The following MYO1D variants were observed in gnomAD, a reference collection of about 807,000 sequenced individuals.
The protein encoded by MYO1D is myosin ID, also known as unconventional myosin-Id.
In MYO1D, 83 loss-of-function variants were observed where a neutral mutation model predicts 122.0. The observed-to-expected ratio is 0.68, with a 90% confidence interval of 0.57 to 0.82. The LOEUF is 0.82. Among genes scored for constraint, MYO1D ranks in the 40% least tolerant of loss-of-function variants. MYO1D has a pLI of 0.00. For missense variants in MYO1D, 1,157 were observed against 1,269.5 expected, an observed-to-expected ratio of 0.91 and a Z score of 1.35; for synonymous variants, 464 against 446.9, an observed-to-expected ratio of 1.04 and a Z score of -0.48.
At position 32,766,032 on chromosome 17, in the gene MYO1D, G is replaced by A. The variant is rs112055554; in HGVS notation, c.832-951C>T. Among the ~76,000 whole-genome samples the A allele has an allele frequency of 2.4e-3, 359 of 152,044 alleles. 2 individuals carry two copies. The highest frequency in any genetic ancestry group is 8.0e-3 in the African/African-American group (331 of 41,482). On this transcript the variant is annotated intron_variant, in intron 7 of 21. Coordinates refer to ENST00000318217, the MANE Select transcript of MYO1D (RefSeq NM_015194.3). ...TCTAAATAGCTGGGACTACAGATGCGTGCCACCATGCCTGGCTAATTTTTG... is the reference window on the plus strand; with the variant it reads ...TCTAAATAGCTGGGACTACAGATGCATGCCACCATGCCTGGCTAATTTTTG...
At chr17:32,506,545 C>T (rs1909508430) in intron 21 of MYO1D, among the ~76,000 whole-genome samples, 1 of 152,056 alleles carries the variant, frequency 6.6e-6, no homozygotes, top group Admixed American at 6.6e-5. Flanking sequence ...AGATAGAAGG[C>T]AGGAAAGGGG....
chr17:32,827,630 TTC>T (rs1186047119), intron 1 of MYO1D, among the ~76,000 whole-genome samples: 1 of 152,194 alleles, frequency 6.6e-6, no homozygotes, highest in Non-Finnish European at 1.5e-5. Flanking sequence ...TTGTATTTAT[TTC>T]TCTATTTTTA....
chr17:32,710,782 T>G (rs2089365882), intron 16 of MYO1D, among the ~76,000 whole-genome samples: 1 of 152,034 alleles, frequency 6.6e-6, no homozygotes, highest in East Asian at 1.9e-4. Flanking sequence ...AATAGACAGT[T>G]TACAGGAAAA....
At chr17:32,560,699 A>C (rs2087117261) in intron 21 of MYO1D, among the ~76,000 whole-genome samples, 1 of 150,326 alleles carries the variant, frequency 6.7e-6, no homozygotes, top group African/African-American at 2.4e-5. Context: ...AACTCTCTGC[A>C]ACCTCCGCCT....
chr17:32,575,751 C>T (rs923914611), intron 21 of MYO1D, among the ~76,000 whole-genome samples: 10 of 152,180 alleles, frequency 6.6e-5, no homozygotes, highest in African/African-American at 2.4e-4. Flanking sequence ...GAGATGACTG[C>T]TAGATTGATG....
intron 21 of MYO1D, among the ~76,000 whole-genome samples, chr17:32,583,267 T>C (rs1215949702): frequency 6.6e-6 from 1 of 152,204 alleles, no homozygotes; most frequent in Non-Finnish European, 1.5e-5. Flanking sequence ...TCCTTATTCC[T>C]CTGTATATAA....
chr17:32,749,771 C>T (rs1330418481), intron 11 of MYO1D, among the ~76,000 whole-genome samples: 1 of 152,130 alleles, frequency 6.6e-6, no homozygotes, highest in Non-Finnish European at 1.5e-5. Context: ...TATCTTCATG[C>T]AGTCCAGCCT....
At chr17:32,506,767 T>C (rs1181785129) in intron 21 of MYO1D, among the ~76,000 whole-genome samples, 2 of 152,234 alleles carry the variant, frequency 1.3e-5, no homozygotes, top group African/African-American at 4.8e-5. Context: ...GGGAATATGA[T>C]ACATAAATCA....
At chr17:32,786,409 A>T (rs1209524529) in intron 1 of MYO1D, among the ~76,000 whole-genome samples, 1 of 152,256 alleles carries the variant, frequency 6.6e-6, no homozygotes, top group Non-Finnish European at 1.5e-5. Flanking sequence ...CTTTCTAGTT[A>T]GGCAATCTTC....
At chr17:32,775,794 T>C (rs1802064506) in intron 4 of MYO1D, 70 bp downstream of exon 4, 2 of 1,290,526 alleles carry the variant, frequency 1.5e-6, no homozygotes, top group Non-Finnish European at 2.1e-6. Flanking sequence ...ATAAAATAAA[T>C]TCTATAAATA....
At chr17:32,760,248 A>C in intron 10 of MYO1D, 42 bp downstream of exon 10, 2 of 1,449,682 alleles carry the variant, frequency 1.4e-6, no homozygotes, top group South Asian at 1.2e-5. Flanking sequence ...TATCAATAAT[A>C]TGAGAAACAC....
Position 32,634,223 on chromosome 17 carries a change from G to A in MYO1D, c.2709+4499C>T, listed in dbSNP as rs369968442. On this transcript the variant is annotated intron_variant, in intron 20 of 21. Transcript: ENST00000318217. ...AAAATCGCCCATCTCCTGTCTACTC[G>A]AGGTCCCTTAAGTCTCTGTTCATTA... 4.6e-5 allele frequency among the ~76,000 whole-genome samples: 7 copies of A among 152,216 alleles called. No homozygotes were observed. The East Asian group carries it at 1.2e-3, about 25-fold the overall frequency.
In MYO1D at chr17:32,494,790, G is replaced by A. The variant is rs760738580; in HGVS notation, c.2990C>T (p.Ser997Leu). Residue 997 changes from serine (S) to leucine (L), a missense_variant, in exon 22 of 22, where the codon TCG (serine) becomes TTG (leucine). Coordinates refer to ENST00000318217, the MANE Select transcript of MYO1D (RefSeq NM_015194.3). ...QPQPDFTKNR[S>L]GFILSVPGN ...CCCGGGCACGCTGAGGATGAAGCCC[G>A]AGCGATTCTTGGTGAAGTCGGGCTG... 2 of 1,611,512 alleles carry A rather than the reference G, an allele frequency of 1.2e-6. No individual in the cohort carries two copies. The highest frequency in any genetic ancestry group is 1.1e-5 in the South Asian group (1 of 90,740).
chr17:32,641,886 G>T (rs1348198562), intron 19 of MYO1D, among the ~76,000 whole-genome samples: 2 of 152,124 alleles, frequency 1.3e-5, no homozygotes, highest in African/African-American at 4.8e-5. Flanking sequence ...TAGGTTGCCT[G>T]TTCACTCTGA....
chr17:32,572,058 C>T (rs1019927565), intron 21 of MYO1D, among the ~76,000 whole-genome samples: 1 of 152,052 alleles, frequency 6.6e-6, no homozygotes, highest in African/African-American at 2.4e-5. Context: ...CACTAATAAC[C>T]CCTGCTCTCC....
intron 14 of MYO1D, among the ~76,000 whole-genome samples, chr17:32,724,858 T>C (rs967527631): frequency 6.6e-6 from 1 of 152,204 alleles, no homozygotes; most frequent in African/African-American, 2.4e-5. Flanking sequence ...CAAAATTAAC[T>C]CTTCCCTGAA....
At chr17:32,869,239 C>T (rs2091157655) in intron 1 of MYO1D, among the ~76,000 whole-genome samples, 1 of 151,812 alleles carries the variant, frequency 6.6e-6, no homozygotes, top group Admixed American at 6.6e-5. Context: ...AGAGATCTAG[C>T]CAGTAATTAC....
chr17:32,728,819 G>T (rs2089605204), intron 14 of MYO1D, among the ~76,000 whole-genome samples: 1 of 152,132 alleles, frequency 6.6e-6, no homozygotes, highest in Non-Finnish European at 1.5e-5. Flanking sequence ...TTATTAACCA[G>T]AAAATAGTTG....
intron 21 of MYO1D, among the ~76,000 whole-genome samples, chr17:32,518,036 C>T (rs886856595): frequency 2.6e-5 from 4 of 151,756 alleles, no homozygotes; most frequent in Admixed American, 6.6e-5. Context: ...TGGACAGCAC[C>T]TGGCCCGCCA....
Sources: gnomAD v4.1 joint callset for allele counts (sites outside exome capture counted in the v4.1 genomes callset) on GRCh38, gnomAD v4.1.1 for gene constraint, MANE v1.5 for transcripts, NCBI Gene and HGNC (gene_info 2026-07-23, HGNC 2026-07-21) for gene names.